The following KLHL2 variants were observed in gnomAD, a reference collection of about 807,000 sequenced individuals.
KLHL2 encodes kelch like family member 2, also known as kelch-like protein 2.
Under a neutral mutation model 75.8 loss-of-function variants are expected in KLHL2, and 15 were observed. The ratio of observed to expected loss-of-function variants is 0.20; its 90% CI spans 0.13 to 0.30. KLHL2 has a LOEUF of 0.30. Ranked by LOEUF, KLHL2 falls within the 10% of genes least tolerant of loss-of-function variation. The pLI is 1.00. For missense variants in KLHL2, 381 were observed against 741.0 expected (o/e 0.51, Z 5.64); for synonymous variants, 214 against 251.9 (o/e 0.85, Z 1.42).
At chr4:165,300,675 A>G (rs1745281247) in intron 8 of KLHL2, among the ~76,000 whole-genome samples, 1 of 152,168 alleles carries the variant, frequency 6.6e-6, no homozygotes, top group Admixed American at 6.5e-5. Context: ...AGTACGACCA[A>G]TACTTTAAGC....
At chr4:165,260,213 ACAT>A (rs1208971902) in intron 4 of KLHL2, among the ~76,000 whole-genome samples, 1 of 152,244 alleles carries the variant, frequency 6.6e-6, no homozygotes, top group African/African-American at 2.4e-5. Flanking sequence ...TAGTAAAACT[ACAT>A]CATAAAACCA....
At chr4:165,273,531 G>T (rs1254280545) in intron 5 of KLHL2, among the ~76,000 whole-genome samples, 4 of 152,104 alleles carry the variant, frequency 2.6e-5, no homozygotes, top group Admixed American at 1.3e-4. Flanking sequence ...GTTGAATCAT[G>T]GGGGGCAGGT....
At chr4:165,270,496 A>G (rs751335145) in intron 5 of KLHL2, among the ~76,000 whole-genome samples, 2 of 152,044 alleles carry the variant, frequency 1.3e-5, no homozygotes, top group Non-Finnish European at 2.9e-5. Context: ...GGACCTGCAG[A>G]TGGGGTTTTG....
Position 165,207,964 on chromosome 4 carries a change from G to A in KLHL2, c.26+62G>A. On this transcript the variant is annotated intron_variant, in intron 1 of 14. Coordinates refer to ENST00000226725, the MANE Select transcript of KLHL2 (RefSeq NM_007246.4). This position sits in a 1 kb window ranked among gnomAD's most constrained non-coding sequence, Gnocchi z 4.2. ...TAAGCGCGCCGCTGCGGCGCGTGTC[G>A]CCGGCCGCGGGCGCAGCTCTGGGGA... 8.1e-7 allele frequency: 1 copy of A among 1,233,966 alleles called. No homozygotes were observed. The highest frequency in any genetic ancestry group is 1.0e-6 in the Non-Finnish European group (1 of 978,878). 76.4% of individuals were successfully genotyped at this position (1,233,966 alleles called of 1,614,324 possible).
chr4:165,258,101 C>T (rs1010253288), intron 4 of KLHL2, among the ~76,000 whole-genome samples: 2 of 152,092 alleles, frequency 1.3e-5, no homozygotes, highest in Non-Finnish European at 2.9e-5. Flanking sequence ...ATTCACTGTC[C>T]GCTTTACATT....
At chr4:165,280,627 A>G (rs1335164411) in intron 5 of KLHL2, among the ~76,000 whole-genome samples, 2 of 152,244 alleles carry the variant, frequency 1.3e-5, no homozygotes, top group Non-Finnish European at 2.9e-5. Flanking sequence ...GAACTGTGAA[A>G]GCACTTGATA....
chr4:165,305,063 G>T (rs968157634), intron 8 of KLHL2, among the ~76,000 whole-genome samples: 1 of 152,128 alleles, frequency 6.6e-6, no homozygotes, highest in African/African-American at 2.4e-5. Flanking sequence ...ATCAGGAAAG[G>T]TCTCTACTGG....
At chr4:165,240,118 A>G (rs1244906393) in intron 4 of KLHL2, among the ~76,000 whole-genome samples, 2 of 152,198 alleles carry the variant, frequency 1.3e-5, no homozygotes, top group African/African-American at 2.4e-5. Flanking sequence ...GTACATGCAT[A>G]TATTAATTTT....
chr4:165,313,934 A>G, intron 12 of KLHL2, 92 bp from the exon 13 acceptor site: 4 of 1,315,140 alleles, frequency 3.0e-6, no homozygotes, highest in South Asian at 1.6e-5. Context: ...TATAACTTCG[A>G]AAGTTTTAGT....
intron 5 of KLHL2, among the ~76,000 whole-genome samples, chr4:165,264,733 T>TATATAC (rs1742069334): frequency 3.7e-5 from 3 of 81,126 alleles, no homozygotes; most frequent in South Asian, 8.6e-4. Flanking sequence ...TATATATATA[T>TATATAC]ATATATGTAT....
rs1341030008 is a variant in KLHL2, at chr4:165,319,643, CAG to C, written c.1753+1676_1753+1677del. Among the ~76,000 whole-genome samples the C allele has an allele frequency of 2.0e-5, 3 of 152,082 alleles. No homozygotes were observed. The highest frequency in any genetic ancestry group is 7.2e-5 in the African/African-American group (3 of 41,408). ...GGGTGCAGGATTTTTGTTTTTGAGA[CAG>C]AATCTCACTCTTGTCGCCCAGGCTG... On this transcript the variant is annotated intron_variant, in intron 14 of 14. Coordinates refer to ENST00000226725, the MANE Select transcript of KLHL2 (RefSeq NM_007246.4). This position sits in a 1 kb window ranked among gnomAD's most constrained non-coding sequence, Gnocchi z 4.5.
chr4:165,210,202 C>G, intron 1 of KLHL2: 24 of 1,549,686 alleles, frequency 1.5e-5, no homozygotes, highest in Non-Finnish European at 2.1e-5. Flanking sequence ...TTTATTAATT[C>G]ATTCAATGTG....
At chr4:165,274,905 C>T (rs994180741) in intron 5 of KLHL2, among the ~76,000 whole-genome samples, 6 of 150,252 alleles carry the variant, frequency 4.0e-5, no homozygotes, top group African/African-American at 7.3e-5. Context: ...GTGGAATCCA[C>T]GCTGCTCACC....
At chr4:165,308,377 A>G (rs1451042096) in intron 9 of KLHL2, among the ~76,000 whole-genome samples, 1 of 152,222 alleles carries the variant, frequency 6.6e-6, no homozygotes, top group African/African-American at 2.4e-5. Flanking sequence ...TTGGGTAACT[A>G]TGAATAAATT....
Position 165,310,282 on chromosome 4 carries a change from G to A in KLHL2, c.1040-271G>A, listed in dbSNP as rs954898024. ...TGAGCTTGCAGTGAGCTGAGATGGC[G>A]CCACTGCACTCCAGCCTGGGCGACA... On this transcript the variant is annotated intron_variant, in intron 9 of 14. Coordinates refer to ENST00000226725, the MANE Select transcript of KLHL2 (RefSeq NM_007246.4). Among the ~76,000 whole-genome samples the A allele has an allele frequency of 2.2e-4, 33 of 152,278 alleles. 1 individual carries two copies. The Middle Eastern group carries it at 0.01, about 47-fold the overall frequency.
At chr4:165,224,650 T>C (rs1446374630) in intron 2 of KLHL2, among the ~76,000 whole-genome samples, 1 of 152,224 alleles carries the variant, frequency 6.6e-6, no homozygotes, top group Non-Finnish European at 1.5e-5. Flanking sequence ...GAATTTTGGC[T>C]AAATTGTTAT....
intron 5 of KLHL2, chr4:165,278,648 C>G (rs753836562): frequency 1.3e-6 from 2 of 1,596,696 alleles, no homozygotes; most frequent in Admixed American, 1.7e-5. Context: ...AAGATTGTCT[C>G]TTAGCCAGCG....
At chr4:165,315,031 A>G (rs376277537) in intron 13 of KLHL2, among the ~76,000 whole-genome samples, 4 of 152,254 alleles carry the variant, frequency 2.6e-5, no homozygotes, top group Admixed American at 6.5e-5. Context: ...ACCAGAATTT[A>G]TAGTTAATTC....
At position 165,207,764 on chromosome 4, in the gene KLHL2, C is replaced by T. The variant is rs1736925074; in HGVS notation, c.-113C>T. ...CGCGGTGAGGAGAGCGCGGCGCCCCCTCCGGGGCGGATGGAACGCGGCTCG... is the reference window on the plus strand; with the variant it reads ...CGCGGTGAGGAGAGCGCGGCGCCCCTTCCGGGGCGGATGGAACGCGGCTCG... On this transcript the variant is annotated 5_prime_UTR_variant, in exon 1 of 15. Coordinates refer to ENST00000226725, the MANE Select transcript of KLHL2 (RefSeq NM_007246.4). This position sits in a 1 kb window ranked among gnomAD's most constrained non-coding sequence, Gnocchi z 4.2. 1 of 941,934 alleles carries T rather than the reference C, an allele frequency of 1.1e-6. No homozygotes were observed. Among genetic ancestry groups the T allele is most frequent in the Non-Finnish European group, 1.5e-6 (1 of 677,318 alleles). 58.3% of individuals were successfully genotyped at this position (941,934 alleles called of 1,614,324 possible).
Sources: allele counts gnomAD v4.1 joint callset (sites outside exome capture counted in the v4.1 genomes callset), GRCh38; gene constraint gnomAD v4.1.1; non-coding constraint Gnocchi (gnomAD v3.1); transcripts MANE v1.5; gene names NCBI Gene and HGNC (gene_info 2026-07-23, HGNC 2026-07-21).